Variants in CACNA1D observed in about 807,000 individuals in gnomAD.
CACNA1D encodes calcium voltage-gated channel subunit alpha1 D.
A neutral mutation model predicts 257.1 loss-of-function variants in CACNA1D; 55 were observed. The observed-to-expected ratio is 0.21, with a 90% CI of 0.17 to 0.27. The LOEUF (loss-of-function observed/expected upper bound fraction) is 0.27. Among genes scored for constraint, CACNA1D ranks in the 10% least tolerant of loss-of-function variants. The pLI is 1.00. For synonymous variants in CACNA1D, 980 were observed against 1,014.9 expected (o/e 0.97, Z 0.65); for missense variants, 1,876 against 2,784.0 (o/e 0.67, Z 7.34).
At chr3:53,636,600 G>A (rs988146143) in intron 3 of CACNA1D, among the ~76,000 whole-genome samples, 3 of 152,174 alleles carry the variant, frequency 2.0e-5, no homozygotes, top group South Asian at 4.1e-4. Context: ...TAGCCACTGC[G>A]CCTGGCCGAA....
At chr3:53,591,736 C>T (rs1394373093) in intron 3 of CACNA1D, among the ~76,000 whole-genome samples, 1 of 152,230 alleles carries the variant, frequency 6.6e-6, no homozygotes, top group Non-Finnish European at 1.5e-5. Flanking sequence ...CTCCCAGGAA[C>T]TACACAAAGC....
intron 3 of CACNA1D, among the ~76,000 whole-genome samples, chr3:53,625,766 AG>A (rs2093751269): frequency 6.6e-6 from 1 of 152,238 alleles, no homozygotes; most frequent in Non-Finnish European, 1.5e-5. Flanking sequence ...ATTTACAGAT[AG>A]GACTTAATTT....
Position 53,560,061 on chromosome 3 carries a change from CTTT to C in CACNA1D, c.483+58359_483+58361del, listed in dbSNP as rs34438908. ...TAATTTCTCTGAACATTAGGAGTTCCTTTTTTTTTTTTTTTTTTTTCCTTTGTT... is the reference window on the plus strand; with the variant it reads ...TAATTTCTCTGAACATTAGGAGTTCCTTTTTTTTTTTTTTTTTCCTTTGTT... On this transcript the variant is annotated intron_variant, in intron 3 of 47. Transcript: ENST00000350061. Among the ~76,000 whole-genome samples the C allele has an allele frequency of 2.5e-3, 256 of 102,658 alleles. 2 individuals carry two copies. Among genetic ancestry groups the C allele is most frequent in the African/African-American group, 9.7e-3 (235 of 24,124 alleles). The allele number at this position is 102,658 out of a possible 152,430, so 67.3% of individuals were successfully genotyped here.
chr3:53,755,037 A>G (rs548344290), intron 29 of CACNA1D, among the ~76,000 whole-genome samples: 4 of 152,354 alleles, frequency 2.6e-5, no homozygotes, highest in Middle Eastern at 3.4e-3. Context: ...GTCCATATCT[A>G]CATACATAAA....
intron 3 of CACNA1D, among the ~76,000 whole-genome samples, chr3:53,534,674 C>T (rs1412201089): frequency 2.0e-5 from 3 of 152,238 alleles, no homozygotes; most frequent in African/African-American, 4.8e-5. Flanking sequence ...ACTTGCTTTT[C>T]TTACCTTCTG....
chr3:53,741,330 A>C (rs961520186), intron 21 of CACNA1D, among the ~76,000 whole-genome samples: 1 of 152,158 alleles, frequency 6.6e-6, no homozygotes, highest in Non-Finnish European at 1.5e-5. Context: ...CCATTGGGGA[A>C]TTTTTGTGTG....
intron 3 of CACNA1D, among the ~76,000 whole-genome samples, chr3:53,567,938 T>A (rs900861185): frequency 3.3e-5 from 5 of 152,108 alleles, no homozygotes; most frequent in African/African-American, 1.2e-4. Context: ...TCTTTCTGAC[T>A]GAAAGAAGCA....
intron 3 of CACNA1D, among the ~76,000 whole-genome samples, chr3:53,619,023 T>C (rs1223583921): frequency 1.3e-5 from 2 of 152,198 alleles, no homozygotes; most frequent in East Asian, 3.9e-4. Context: ...CCAACGTCTC[T>C]GTTGTGTTCA....
At chr3:53,582,909 C>T (rs1454570395) in intron 3 of CACNA1D, among the ~76,000 whole-genome samples, 1 of 152,132 alleles carries the variant, frequency 6.6e-6, no homozygotes, top group Non-Finnish European at 1.5e-5. Flanking sequence ...CACCTTTCCC[C>T]CACAACTTTC....
At chr3:53,766,358 C>T (rs184383182) in intron 30 of CACNA1D, among the ~76,000 whole-genome samples, 26 of 152,302 alleles carry the variant, frequency 1.7e-4, no homozygotes, top group Non-Finnish European at 3.1e-4. Flanking sequence ...TAAAGAAGCC[C>T]TCCTCCCAGA....
At chr3:53,526,578 T>G (rs1481904126) in intron 3 of CACNA1D, among the ~76,000 whole-genome samples, 1 of 152,228 alleles carries the variant, frequency 6.6e-6, no homozygotes, top group Non-Finnish European at 1.5e-5. Context: ...TTCGAGGTTT[T>G]TCAAACACAT....
rs201037297 is a variant in CACNA1D at position 53,722,493 on chromosome 3, C to A, written c.1666+19C>A. 1.5e-4 allele frequency: 239 copies of A among 1,613,416 alleles called. No individual in the cohort carries two copies. The highest frequency in any genetic ancestry group is 3.3e-4 in the Middle Eastern group (2 of 6,082). ...ATTCAAGGTACAAGCAGAGGCCATTCCTTTTTTGTTCTGAACTAGAGATTT... is the reference window on the plus strand; with the variant it reads ...ATTCAAGGTACAAGCAGAGGCCATTACTTTTTTGTTCTGAACTAGAGATTT... On this transcript the variant is annotated intron_variant, in intron 12 of 47. Coordinates refer to ENST00000350061, the MANE Select transcript of CACNA1D (RefSeq NM_001128840.3).
chr3:53,632,887 T>C (rs189656209), intron 3 of CACNA1D, among the ~76,000 whole-genome samples: 20 of 152,300 alleles, frequency 1.3e-4, no homozygotes, highest in Admixed American at 1.1e-3. Flanking sequence ...GGATAAGTGA[T>C]CATAGATCAC....
At chr3:53,614,938 G>A (rs2093621092) in intron 3 of CACNA1D, among the ~76,000 whole-genome samples, 2 of 152,164 alleles carry the variant, frequency 1.3e-5, no homozygotes, top group African/African-American at 2.4e-5. Flanking sequence ...ACACTAAATT[G>A]TACTTCAGTA....
chr3:53,625,966 T>A (rs1576142560), intron 3 of CACNA1D, among the ~76,000 whole-genome samples: 2 of 152,098 alleles, frequency 1.3e-5, no homozygotes, highest in East Asian at 3.9e-4. Context: ...CTGAGAAAAT[T>A]TACAGACTAG....
rs2093079704 is a variant in CACNA1D, at chr3:53,578,636, G to GT, written c.484-72142dup. On this transcript the variant is annotated intron_variant, in intron 3 of 47. Transcript: ENST00000350061. ...GAGGCGGAGGTCTACAAGGAGGGTGGTGCAATGGAGCCAGGTGGTGGAAGA... is the reference window on the plus strand; with the variant it reads ...GAGGCGGAGGTCTACAAGGAGGGTGGTTGCAATGGAGCCAGGTGGTGGAAGA... Among the ~76,000 whole-genome samples, 6 of 152,198 alleles carry GT rather than the reference G, an allele frequency of 3.9e-5. No homozygotes were observed. The South Asian group carries it at 1.2e-3, about 32-fold the overall frequency.
chr3:53,682,317 C>T (rs1360407636), intron 8 of CACNA1D, among the ~76,000 whole-genome samples: 3 of 126,706 alleles, frequency 2.4e-5, no homozygotes, highest in Admixed American at 9.3e-5. Flanking sequence ...TGCTTGAGGC[C>T]GGGAGTTTGA....
At chr3:53,724,602 A>G (rs764968595) in intron 14 of CACNA1D, among the ~76,000 whole-genome samples, 2 of 152,338 alleles carry the variant, frequency 1.3e-5, no homozygotes, top group South Asian at 4.1e-4. Flanking sequence ...TCTGCTGCTC[A>G]GAGCAGCAGC....
At chr3:53,657,533 A>G (rs928137220) in intron 4 of CACNA1D, among the ~76,000 whole-genome samples, 2 of 152,198 alleles carry the variant, frequency 1.3e-5, no homozygotes, top group Non-Finnish European at 2.9e-5. Flanking sequence ...GTGTTTTATT[A>G]TAGATAAATT....
Sources: allele counts gnomAD v4.1 joint callset (sites outside exome capture counted in the v4.1 genomes callset), GRCh38; gene constraint gnomAD v4.1.1; transcripts MANE v1.5; gene names NCBI Gene and HGNC (gene_info 2026-07-23, HGNC 2026-07-21).